SLC25A39: variants seen among roughly 807,000 people sequenced by gnomAD.
SLC25A39 encodes solute carrier family 25 member 39.
In SLC25A39, 44 loss-of-function variants were observed where a neutral mutation model predicts 46.6. The observed-to-expected ratio is 0.94, with a 90% CI of 0.74 to 1.21. SLC25A39 has a LOEUF of 1.21. Ranked by LOEUF, SLC25A39 falls within the 50% of genes most tolerant of loss-of-function variation. SLC25A39 has a pLI of 0.00. For missense variants in SLC25A39, 487 were observed against 473.0 expected (o/e 1.03, Z -0.28); for synonymous variants, 218 against 190.6 (o/e 1.14, Z -1.19).
At chr17:44,321,383 T>G (rs868069499) in intron 7 of SLC25A39, 51 bp downstream of exon 7, 15 of 1,611,382 alleles carry the variant, frequency 9.3e-6, no homozygotes, top group South Asian at 3.3e-5. Context: ...CTGACTGGGT[T>G]TGGGCCGAGG....
Position 44,319,754 on chromosome 17 carries a change from TG to T in SLC25A39, c.*246del, listed in dbSNP as rs1567862312. 3.9e-6 allele frequency: 2 copies of T among 519,312 alleles called. No individual in the cohort carries two copies. Among genetic ancestry groups the T allele is most frequent in the Non-Finnish European group, 3.5e-6 (1 of 286,308 alleles). The allele number at this position is 519,312 out of a possible 1,614,324, so 32.2% of individuals were successfully genotyped here. A position where few individuals can be genotyped will look rare whatever the true frequency, so the allele number is the denominator to read the frequency against. Reference sequence around the variant, plus strand: ...CACAGGGAAACACGAAGGGGGCAGCTGGAAGATTTGGTCTTGAACTTGGGGG... The same window carrying T: ...CACAGGGAAACACGAAGGGGGCAGCTGAAGATTTGGTCTTGAACTTGGGGG... On this transcript the variant is annotated 3_prime_UTR_variant, in exon 12 of 12. Coordinates refer to ENST00000377095, the MANE Select transcript of SLC25A39 (RefSeq NM_001143780.3).
At position 44,319,820 on chromosome 17, in the gene SLC25A39, G is replaced by A; in HGVS notation, c.*181C>T. The A allele has an allele frequency of 1.7e-6, 1 of 595,658 alleles. No homozygotes were observed. Among genetic ancestry groups the A allele is most frequent in the Non-Finnish European group, 3.0e-6 (1 of 335,596 alleles). 36.9% of individuals were successfully genotyped at this position (595,658 alleles called of 1,614,324 possible). A position where few individuals can be genotyped will look rare whatever the true frequency, so the allele number is the denominator to read the frequency against. On this transcript the variant is annotated 3_prime_UTR_variant, in exon 12 of 12. Transcript: ENST00000377095. ...ATCCCCACGACTGGAGCAGCAGGAAGAAGTTGTGTCTGAGGAAGTGCTGGG... is the reference window on the plus strand; with the variant it reads ...ATCCCCACGACTGGAGCAGCAGGAAAAAGTTGTGTCTGAGGAAGTGCTGGG...
At chr17:44,322,749 G>T in intron 4 of SLC25A39, 59 bp downstream of exon 4, 3 of 1,611,682 alleles carry the variant, frequency 1.9e-6, no homozygotes, top group Non-Finnish European at 2.5e-6. Context: ...CTGGGGACAG[G>T]GACAAGGACT....
chr17:44,324,120 G>A (rs576656772), intron 1 of SLC25A39: 2 of 157,748 alleles, frequency 1.3e-5, no homozygotes, highest in African/African-American at 2.4e-5. Flanking sequence ...AGGAAGCTAG[G>A]GTGCCAGACC....
intron 3 of SLC25A39, 43 bp from the exon 4 acceptor site, chr17:44,322,895 C>A: frequency 6.2e-7 from 1 of 1,601,976 alleles, no homozygotes; most frequent in Non-Finnish European, 8.5e-7. Flanking sequence ...AGCCCCCACC[C>A]GCCCTAGGGA....
Position 44,320,611 on chromosome 17 carries a change from A to G in SLC25A39, c.801+11T>C. 6.2e-7 allele frequency: 1 copy of G among 1,612,332 alleles called. No individual in the cohort carries two copies. The highest frequency in any genetic ancestry group is 8.5e-7 in the Non-Finnish European group (1 of 1,178,680). Reference sequence around the variant, plus strand: ...CCTCCGCTGGCCTCACCTCCAGCCCAGTCCACTCACCGTCCCTGAGATGCC... The same window carrying G: ...CCTCCGCTGGCCTCACCTCCAGCCCGGTCCACTCACCGTCCCTGAGATGCC... On this transcript the variant is annotated intron_variant, in intron 9 of 11. Coordinates refer to ENST00000377095, the MANE Select transcript of SLC25A39 (RefSeq NM_001143780.3).
At chr17:44,323,439 A>ACACCCCCCCCCCCCC in intron 2 of SLC25A39, 39 bp downstream of exon 2, 5 of 257,086 alleles carry the variant, frequency 1.9e-5, no homozygotes, top group East Asian at 1.0e-4. Flanking sequence ...GGTCTGCCCC[A>ACACCCCCCCCCCCCC]TCCCCACCCG....
intron 1 of SLC25A39, 167 bp from the exon 2 acceptor site, chr17:44,323,744 C>T (rs2048137347): frequency 5.1e-6 from 3 of 592,330 alleles, no homozygotes; most frequent in South Asian, 2.1e-5. Flanking sequence ...CCCGTTCAAG[C>T]GGTTCTCTTG....
rs1481257699 is a variant in SLC25A39 at position 44,321,488 on chromosome 17, G to A, written c.463C>T (p.Arg155Ter). 1.9e-6 allele frequency: 3 copies of A among 1,614,052 alleles called. No individual in the cohort carries two copies. The highest frequency in any genetic ancestry group is 2.2e-5 in the East Asian group (1 of 44,878). Residue 155 changes from arginine (R) to a stop codon, truncating the protein, a stop_gained, in exon 7 of 12, where the codon CGA becomes TGA. Transcript: ENST00000377095. LOFTEE classifies it high-confidence loss of function. ...YDQLKAFLCG[R>*]ALTSDLYAPM... ...GCGTAGAGGTCAGAGGTCAGGGCTC[G>A]ACCACACAGGAAGGCCTTCAGTTGG...
At position 44,321,525 on chromosome 17, in the gene SLC25A39, G is replaced by A. The variant is rs766559943; in HGVS notation, c.426C>T (p.Phe142=). ...VMTVPATAIY[F]TAYDQLKAFL... ...AGGCCTTCAGTTGGTCATAGGCAGT[G>A]AAGTAGATGGCGGTAGCTGGCACAG... is the stretch of plus-strand genomic sequence containing the variant. The change falls in exon 7 of 12, where the codon TTC becomes TTT. Residue 142 remains phenylalanine, a synonymous_variant. Transcript: ENST00000377095. The A allele has an allele frequency of 4.3e-6, 7 of 1,614,126 alleles. No homozygotes were observed. Among genetic ancestry groups the A allele is most frequent in the Non-Finnish European group, 5.9e-6 (7 of 1,180,004 alleles).
At position 44,320,292 on chromosome 17, in the gene SLC25A39, C is replaced by A. The variant is rs139114659; in HGVS notation, c.884-16G>T. ...AGGGGGTTCACTGCAAACGCGAGGCCGGCTCAGTGAGACCCCATTCAGGAC... is the reference window on the plus strand; with the variant it reads ...AGGGGGTTCACTGCAAACGCGAGGCAGGCTCAGTGAGACCCCATTCAGGAC... On this transcript the variant is annotated splice_polypyrimidine_tract_variant and intron_variant, in intron 10 of 11. Transcript: ENST00000377095. 1.1e-5 allele frequency: 18 copies of A among 1,613,448 alleles called. No homozygotes were observed. In the African/African-American group the frequency reaches 2.4e-4, roughly 22 times the overall value.
At chr17:44,322,608 C>G in intron 4 of SLC25A39, 56 bp from the exon 5 acceptor site, 2 of 1,593,164 alleles carry the variant, frequency 1.3e-6, no homozygotes, top group South Asian at 2.2e-5. Context: ...TGCAGGGAGG[C>G]AGTGGGCCCC....
chr17:44,320,136 C>T lies in SLC25A39; in HGVS notation c.965-20G>A, dbSNP rs1283594664. ...GGAAGCCTGCAGTGGAAAGGAGGCC[C>T]GTGTCAGGGGTCAGGTCGCAGGTCC... On this transcript the variant is annotated intron_variant, in intron 11 of 11. Coordinates refer to ENST00000377095, the MANE Select transcript of SLC25A39 (RefSeq NM_001143780.3). 13 of 1,613,826 alleles carry T rather than the reference C, an allele frequency of 8.1e-6. No homozygotes were observed. Among genetic ancestry groups the T allele is most frequent in the African/African-American group, 5.3e-5 (4 of 74,908 alleles).
chr17:44,322,321 G>A (rs553488871), intron 5 of SLC25A39, 98 bp downstream of exon 5: 62 of 1,388,400 alleles, frequency 4.5e-5, no homozygotes, highest in Admixed American at 4.0e-4. Context: ...CTACCTCTGC[G>A]TGCCTTGCCC....
At chr17:44,323,439 A>AAGGCCCC in intron 2 of SLC25A39, 39 bp downstream of exon 2, 1 of 257,110 alleles carries the variant, frequency 3.9e-6, no homozygotes, top group Non-Finnish European at 5.7e-6. Flanking sequence ...GGTCTGCCCC[A>AAGGCCCC]TCCCCACCCG....
At chr17:44,323,447 C>G in intron 2 of SLC25A39, 31 bp downstream of exon 2, 4 of 1,325,818 alleles carry the variant, frequency 3.0e-6, no homozygotes, top group Non-Finnish European at 4.1e-6. Context: ...CCATCCCCAC[C>G]CGCCCCCACC....
chr17:44,320,208 C>T lies in SLC25A39; in HGVS notation c.952G>A (p.Gly318Arg), dbSNP rs2047976271. Residue 318 changes from glycine to arginine, a missense_variant, in exon 11 of 12, where the codon GGA becomes AGA. Physicochemically the swap from Gly to Arg is moderately radical, Grantham distance 125. Coordinates refer to ENST00000377095, the MANE Select transcript of SLC25A39 (RefSeq NM_001143780.3). ...RRIRAESGTKGLFAGFLPRII... is the reference protein window; with the variant it reads ...RRIRAESGTKRLFAGFLPRII... The stretch of plus-strand genomic sequence containing the variant: ...CCCACACACTGACCTGCAAAGAGTC[C>T]CTTGGTGCCCGACTCGGCCCGGATC... 1 of 1,613,982 alleles carries T rather than the reference C, an allele frequency of 6.2e-7. No individual in the cohort carries two copies. Among genetic ancestry groups the T allele is most frequent in the Non-Finnish European group, 8.5e-7 (1 of 1,180,012 alleles).
At chr17:44,323,439 A>AGCCCCCCCCCCCCCC in intron 2 of SLC25A39, 39 bp downstream of exon 2, 21 of 256,914 alleles carry the variant, frequency 8.2e-5, no homozygotes, top group African/African-American at 1.4e-4. Context: ...GGTCTGCCCC[A>AGCCCCCCCCCCCCCC]TCCCCACCCG....
At chr17:44,324,504 G>A (rs928357064) in intron 1 of SLC25A39, 2 of 152,318 alleles carry the variant, frequency 1.3e-5, no homozygotes, top group African/African-American at 4.8e-5. Flanking sequence ...GCAGGCCCGG[G>A]GCGCAGCCGG....
Sources: allele counts gnomAD v4.1 joint callset, GRCh38; gene constraint gnomAD v4.1.1; transcripts MANE v1.5; gene names NCBI Gene and HGNC (gene_info 2026-07-23, HGNC 2026-07-21).